HS3ST4: variants seen among roughly 807,000 people sequenced by gnomAD.
HS3ST4 encodes the protein heparan sulfate-glucosamine 3-sulfotransferase 4.
A neutral mutation model predicts 29.2 loss-of-function variants in HS3ST4; 17 were observed. The ratio of observed to expected loss-of-function variants is 0.58; its 90% CI spans 0.40 to 0.87. HS3ST4 has a LOEUF of 0.87. Among genes scored for constraint, HS3ST4 ranks in the 40% least tolerant of loss-of-function variants. The pLI is 0.00. For missense variants in HS3ST4, 627 were observed against 634.5 expected (o/e 0.99, Z 0.13); for synonymous variants, 314 against 285.7 (o/e 1.10, Z -1.00).
At chr16:25,994,298 A>G (rs1969140657) in intron 1 of HS3ST4, among the ~76,000 whole-genome samples, 1 of 151,542 alleles carries the variant, frequency 6.6e-6, no homozygotes, top group Non-Finnish European at 1.5e-5. Flanking sequence ...TCACACTTTT[A>G]TTTTTATTTT....
chr16:26,070,996 A>G (rs1000259679), intron 1 of HS3ST4, among the ~76,000 whole-genome samples: 1 of 152,214 alleles, frequency 6.6e-6, no homozygotes, highest in Non-Finnish European at 1.5e-5. Context: ...GAAACCTCAG[A>G]CATTCTGTGC....
At position 25,849,713 on chromosome 16, in the gene HS3ST4, C is replaced by A. The variant is rs1275181606; in HGVS notation, c.734+156562C>A. ...GTAGAGACGGGGTCTCACCATGTTG[C>A]CCAGGCTGGTCTTGAACTCCTGGGC... is the stretch of plus-strand genomic sequence containing the variant. On this transcript the variant is annotated intron_variant, in intron 1 of 1. Transcript: ENST00000331351. Among the ~76,000 whole-genome samples the A allele has an allele frequency of 2.0e-5, 3 of 152,036 alleles. No homozygotes were observed. In the East Asian group the frequency reaches 5.8e-4, roughly 29 times the overall value.
chr16:25,840,002 C>T (rs1967397145), intron 1 of HS3ST4, among the ~76,000 whole-genome samples: 2 of 152,164 alleles, frequency 1.3e-5, no homozygotes, highest in South Asian at 2.1e-4. Flanking sequence ...TATTAGAAGA[C>T]AGTGGTTAAG....
chr16:25,925,536 T>C (rs963125832), intron 1 of HS3ST4, among the ~76,000 whole-genome samples: 2 of 152,098 alleles, frequency 1.3e-5, no homozygotes, highest in East Asian at 3.9e-4. Context: ...TCTAAAGATC[T>C]GGGGATTAAG....
intron 1 of HS3ST4, among the ~76,000 whole-genome samples, chr16:25,781,365 C>T (rs553144162): frequency 6.6e-6 from 1 of 152,302 alleles, no homozygotes; most frequent in South Asian, 2.1e-4. Context: ...CAGCGGTTCT[C>T]TTGAGGGCAG....
chr16:26,009,778 C>T (rs555828502), intron 1 of HS3ST4, among the ~76,000 whole-genome samples: 160 of 152,328 alleles, frequency 1.1e-3, no homozygotes, highest in Non-Finnish European at 1.9e-3. Context: ...AAGCAGTTCA[C>T]GTGCTCTCGC....
chr16:25,912,160 AG>A (rs761062616), intron 1 of HS3ST4, among the ~76,000 whole-genome samples: 4 of 152,124 alleles, frequency 2.6e-5, no homozygotes, highest in Non-Finnish European at 5.9e-5. Flanking sequence ...GTGTGTGTAG[AG>A]ATAGTCATAA....
intron 1 of HS3ST4, among the ~76,000 whole-genome samples, chr16:25,775,928 T>A (rs1424457063): frequency 6.6e-6 from 1 of 152,214 alleles, no homozygotes; most frequent in Non-Finnish European, 1.5e-5. Context: ...TTGACAGGAA[T>A]GAAAAATGAG....
chr16:26,057,204 G>A (rs1383842012), intron 1 of HS3ST4, among the ~76,000 whole-genome samples: 1 of 152,144 alleles, frequency 6.6e-6, no homozygotes, highest in Non-Finnish European at 1.5e-5. Flanking sequence ...TTGGATAAGG[G>A]GTACTCAACC....
rs548073336 is a variant in HS3ST4 at position 25,765,905 on chromosome 16, C to T, written c.734+72754C>T. Among the ~76,000 whole-genome samples, 107 of 152,200 alleles carry T rather than the reference C, an allele frequency of 7.0e-4. 1 individual carries two copies. The highest frequency in any genetic ancestry group is 1.2e-3 in the Non-Finnish European group (82 of 68,010). ...GGTTGGACCGTGGCTGACTTGCCAGCGTCTCTAGTCAAGGGAGAGGGCTTG... is the reference window on the plus strand; with the variant it reads ...GGTTGGACCGTGGCTGACTTGCCAGTGTCTCTAGTCAAGGGAGAGGGCTTG... On this transcript the variant is annotated intron_variant, in intron 1 of 1. Coordinates refer to ENST00000331351, the MANE Select transcript of HS3ST4 (RefSeq NM_006040.3).
chr16:25,815,582 C>A (rs531170458), intron 1 of HS3ST4, among the ~76,000 whole-genome samples: 1 of 152,188 alleles, frequency 6.6e-6, no homozygotes, highest in Non-Finnish European at 1.5e-5. Flanking sequence ...CTTGACCCCC[C>A]ACAGTGCTGG....
chr16:26,063,441 C>G (rs1256239774), intron 1 of HS3ST4, among the ~76,000 whole-genome samples: 2 of 151,320 alleles, frequency 1.3e-5, no homozygotes, highest in Admixed American at 1.3e-4. Flanking sequence ...AATCCCAGCA[C>G]TTTGGGAGGC....
intron 1 of HS3ST4, among the ~76,000 whole-genome samples, chr16:25,809,826 C>T (rs1473603937): frequency 6.6e-6 from 1 of 152,118 alleles, no homozygotes; most frequent in Non-Finnish European, 1.5e-5. Context: ...CCAGGACCTG[C>T]AGTGAGATAC....
intron 1 of HS3ST4, among the ~76,000 whole-genome samples, chr16:25,728,344 T>G (rs1320876219): frequency 1.3e-5 from 2 of 152,192 alleles, no homozygotes; most frequent in African/African-American, 4.8e-5. Flanking sequence ...TTAGAGTAAT[T>G]CTGACTCAGG....
intron 1 of HS3ST4, chr16:25,826,289 T>A (rs1389485154): frequency 6.6e-6 from 1 of 152,216 alleles, no homozygotes; most frequent in East Asian, 1.9e-4. Context: ...AGGTGCCTCT[T>A]GTAGGTGTCT....
intron 1 of HS3ST4, among the ~76,000 whole-genome samples, chr16:25,882,258 T>A (rs1967902304): frequency 6.6e-6 from 1 of 152,156 alleles, no homozygotes; most frequent in Admixed American, 6.6e-5. Flanking sequence ...AAGGTAGTTG[T>A]TAGAGCTGCT....
chr16:25,939,771 G>A (rs1030327258), intron 1 of HS3ST4, among the ~76,000 whole-genome samples: 3 of 152,150 alleles, frequency 2.0e-5, no homozygotes, highest in Non-Finnish European at 2.9e-5. Flanking sequence ...ATTTTAAAAC[G>A]TGTTCACTGG....
chr16:25,980,965 G>C (rs975905804), intron 1 of HS3ST4, among the ~76,000 whole-genome samples: 6 of 152,158 alleles, frequency 3.9e-5, no homozygotes, highest in Non-Finnish European at 8.8e-5. Flanking sequence ...CTTTCAGCAG[G>C]CTCTGGGTCA....
At chr16:25,696,168 G>A (rs531103728) in intron 1 of HS3ST4, among the ~76,000 whole-genome samples, 2 of 152,358 alleles carry the variant, frequency 1.3e-5, no homozygotes, top group South Asian at 4.1e-4. Flanking sequence ...GCCTCACTTG[G>A]TGGATTGACA....
Sources: allele counts gnomAD v4.1 joint callset (sites outside exome capture counted in the v4.1 genomes callset), GRCh38; gene constraint gnomAD v4.1.1; transcripts MANE v1.5; gene names NCBI Gene and HGNC (gene_info 2026-07-23, HGNC 2026-07-21).